Variants in PPM1D observed in about 807,000 individuals in gnomAD.
PPM1D encodes protein phosphatase, Mg2+/Mn2+ dependent 1D.
In PPM1D, 52 loss-of-function variants were observed where a neutral mutation model predicts 58.3. The ratio of observed to expected loss-of-function variants is 0.89; its 90% confidence interval spans 0.71 to 1.12. The LOEUF (loss-of-function observed/expected upper bound fraction) is 1.12, where lower values mean the gene tolerates loss of function less well. Among genes scored for constraint, PPM1D ranks in the 50% most tolerant of loss-of-function variants. PPM1D has a pLI of 0.00. For synonymous variants in PPM1D, 278 were observed against 285.1 expected (o/e 0.98, Z 0.25); for missense variants, 564 against 777.2 (o/e 0.73, Z 3.26).
At position 60,600,711 on chromosome 17, in the gene PPM1D, CT is replaced by C. The variant is rs1256674962; in HGVS notation, c.302del (p.Phe101SerfsTer64). 3 of 1,608,104 alleles carry C rather than the reference CT, an allele frequency of 1.9e-6. No homozygotes were observed. The highest frequency in any genetic ancestry group is 2.2e-5 in the East Asian group (1 of 44,482). On this transcript the variant is annotated frameshift_variant, in exon 1 of 6. Coordinates refer to ENST00000305921, the MANE Select transcript of PPM1D (RefSeq NM_003620.4). LOFTEE classifies it high-confidence loss of function. ...RCCRRRSSVA[F>X]FAVCDGHGGR... The stretch of plus-strand genomic sequence containing the variant: ...GCTGCCGCCGCCGTTCCTCCGTGGC[CT>C]TTTTCGCCGTGTGCGACGGGCACGG...
At position 60,623,755 on chromosome 17, in the gene PPM1D, A is replaced by G; in HGVS notation, c.701+6A>G. 6.2e-7 allele frequency: 1 copy of G among 1,613,042 alleles called. No homozygotes were observed. Among genetic ancestry groups the G allele is most frequent in the Non-Finnish European group, 8.5e-7 (1 of 1,179,072 alleles). On this transcript the variant is annotated splice_donor_region_variant and intron_variant, in intron 2 of 5. Coordinates refer to ENST00000305921, the MANE Select transcript of PPM1D (RefSeq NM_003620.4). The stretch of plus-strand genomic sequence containing the variant: ...ATCGAAGGACTTGGTGGGAGGTAAC[A>G]TTCTGTCGTTTTCTCTTTCCTCTTT...
At chr17:60,645,646 G>GTATATATATATACATA (rs2031236981) in intron 3 of PPM1D, among the ~76,000 whole-genome samples, 1 of 126,574 alleles carries the variant, frequency 7.9e-6, no homozygotes, top group Non-Finnish European at 1.6e-5. Context: ...GTGTGTGTGT[G>GTATATATATATACATA]TATATATATA....
intron 4 of PPM1D, 55 bp downstream of exon 4, chr17:60,648,137 C>G: frequency 6.5e-7 from 1 of 1,533,404 alleles, no homozygotes; most frequent in Non-Finnish European, 8.8e-7. Context: ...TTTGGTACTT[C>G]TGTCAGAATC....
intron 4 of PPM1D, among the ~76,000 whole-genome samples, chr17:60,648,287 AAC>A (rs2031283432): frequency 6.6e-6 from 1 of 152,224 alleles, no homozygotes; most frequent in Non-Finnish European, 1.5e-5. Flanking sequence ...CTAATAACAA[AAC>A]ACACAACCAC....
At position 60,600,231 on chromosome 17, in the gene PPM1D, C is replaced by T. The variant is rs1252894895; in HGVS notation, c.-184C>T. ...AACTGCCTGGCTCTGCTCGCTCCGG[C>T]GCTCCGGCCCAGCTCTCGCGGACAA... On this transcript the variant is annotated 5_prime_UTR_variant, in exon 1 of 6. Coordinates refer to ENST00000305921, the MANE Select transcript of PPM1D (RefSeq NM_003620.4). 20 of 1,225,972 alleles carry T rather than the reference C, an allele frequency of 1.6e-5. No individual in the cohort carries two copies. Among genetic ancestry groups the T allele is most frequent in the Non-Finnish European group, 2.0e-5 (18 of 915,546 alleles). The allele number at this position is 1,225,972 out of a possible 1,614,324, so 75.9% of individuals were successfully genotyped here.
chr17:60,622,414 G>C (rs767967404), intron 1 of PPM1D, among the ~76,000 whole-genome samples: 3 of 152,082 alleles, frequency 2.0e-5, no homozygotes, highest in Non-Finnish European at 2.9e-5. Flanking sequence ...GATTTTGGTG[G>C]GGAGAATATG....
intron 4 of PPM1D, among the ~76,000 whole-genome samples, chr17:60,653,119 T>C (rs1449044606): frequency 6.6e-6 from 1 of 152,158 alleles, no homozygotes; most frequent in Non-Finnish European, 1.5e-5. Flanking sequence ...CTTCTAGTAG[T>C]TTCATAGTTT....
At chr17:60,636,654 G>T (rs2031027109) in intron 3 of PPM1D, among the ~76,000 whole-genome samples, 1 of 152,034 alleles carries the variant, frequency 6.6e-6, no homozygotes, top group South Asian at 2.1e-4. Flanking sequence ...ACAGAATTTA[G>T]GCAGAAGTAA....
rs117475289 is a variant in PPM1D, at chr17:60,631,282, T to A, written c.702-2571T>A. ...CTGTGGTGAGCCACGATCACACCAC[T>A]GCACTGCAGCCTGGGCAACAGAACG... On this transcript the variant is annotated intron_variant, in intron 2 of 5. Coordinates refer to ENST00000305921, the MANE Select transcript of PPM1D (RefSeq NM_003620.4). Among the ~76,000 whole-genome samples the A allele has an allele frequency of 2.4e-3, 363 of 152,038 alleles. 5 individuals are homozygous for A. In the East Asian group the frequency reaches 0.034, roughly 14 times the overall value.
intron 1 of PPM1D, among the ~76,000 whole-genome samples, chr17:60,605,048 T>G (rs1309497369): frequency 6.6e-6 from 1 of 152,202 alleles, no homozygotes; most frequent in Non-Finnish European, 1.5e-5. Context: ...TCTTGAACTC[T>G]TGACCTCAAG....
chr17:60,638,796 G>C (rs945952234), intron 3 of PPM1D, among the ~76,000 whole-genome samples: 2 of 152,032 alleles, frequency 1.3e-5, no homozygotes, highest in Non-Finnish European at 2.9e-5. Flanking sequence ...TATGGTTTAC[G>C]GCCATTTTTC....
intron 3 of PPM1D, among the ~76,000 whole-genome samples, chr17:60,638,845 A>G (rs1170023972): frequency 6.6e-6 from 1 of 152,102 alleles, no homozygotes; most frequent in Non-Finnish European, 1.5e-5. Flanking sequence ...GTGGGAATAG[A>G]TGTCTCCTTG....
chr17:60,651,648 G>T (rs1041516631), intron 4 of PPM1D, among the ~76,000 whole-genome samples: 1 of 151,816 alleles, frequency 6.6e-6, no homozygotes, highest in African/African-American at 2.4e-5. Context: ...CACCCACCTC[G>T]GCCTCCCAAA....
intron 4 of PPM1D, among the ~76,000 whole-genome samples, chr17:60,652,550 G>GTTTTTTTT (rs776162517): frequency 1.0e-4 from 7 of 67,626 alleles, no homozygotes; most frequent in African/African-American, 1.8e-4. Context: ...GTTTACTTCT[G>GTTTTTTTT]TTTTTTTTTT....
intron 1 of PPM1D, among the ~76,000 whole-genome samples, chr17:60,608,989 T>C (rs1273996996): frequency 6.6e-6 from 1 of 151,376 alleles, no homozygotes; most frequent in Non-Finnish European, 1.5e-5. Flanking sequence ...CCTCGTGATG[T>C]GCCCTCCTCG....
At chr17:60,611,415 G>T (rs774045770) in intron 1 of PPM1D, among the ~76,000 whole-genome samples, 2 of 151,504 alleles carry the variant, frequency 1.3e-5, no homozygotes, top group African/African-American at 2.4e-5. Context: ...TATGTATTTT[G>T]TGGGGTTTTT....
At chr17:60,608,399 C>T (rs187112589) in intron 1 of PPM1D, among the ~76,000 whole-genome samples, 93 of 152,268 alleles carry the variant, frequency 6.1e-4, no homozygotes, top group African/African-American at 2.0e-3. Flanking sequence ...TGGTGGCTCA[C>T]GCCTGTAATC....
chr17:60,632,109 G>A (rs2030933949), intron 2 of PPM1D, among the ~76,000 whole-genome samples: 1 of 151,844 alleles, frequency 6.6e-6, no homozygotes, highest in African/African-American at 2.4e-5. Flanking sequence ...CAGGAGAATG[G>A]CATGAACCCG....
chr17:60,632,650 A>C (rs959706914), intron 2 of PPM1D, among the ~76,000 whole-genome samples: 18 of 152,298 alleles, frequency 1.2e-4, no homozygotes, highest in Middle Eastern at 3.4e-3. Context: ...GCTTAAGCCC[A>C]GGACCAGCCC....
Sources: allele counts gnomAD v4.1 joint callset (sites outside exome capture counted in the v4.1 genomes callset), GRCh38; gene constraint gnomAD v4.1.1; transcripts MANE v1.5; gene names NCBI Gene and HGNC (gene_info 2026-07-23, HGNC 2026-07-21).